CTPS2: variants seen among roughly 807,000 people sequenced by gnomAD.
The protein encoded by CTPS2 is CTP synthase 2, also known as CTP synthase II.
A neutral mutation model predicts 46.8 loss-of-function variants in CTPS2; 19 were observed. The ratio of observed to expected loss-of-function variants is 0.41; its 90% CI spans 0.28 to 0.60. The LOEUF (loss-of-function observed/expected upper bound fraction) is 0.60. Ranked by LOEUF, CTPS2 falls within the 20% of genes least tolerant of loss-of-function variation. The pLI is 0.35. For synonymous variants in CTPS2, 151 were observed against 165.2 expected, an observed-to-expected ratio of 0.91 and a Z score of 0.66; for missense variants, 286 against 447.6, an observed-to-expected ratio of 0.64 and a Z score of 3.26.
intron 17 of CTPS2, among the ~76,000 whole-genome samples, chrX:16,606,174 A>G (rs1327996710): frequency 8.9e-6 from 1 of 112,713 alleles, no homozygotes; most frequent in Non-Finnish European, 1.9e-5. Context: ...ATACAATTGA[A>G]TATCATCAGC....
intron 3 of CTPS2, 41 bp from the exon 4 acceptor site, chrX:16,698,377 C>T (rs758586757): frequency 4.1e-5 from 40 of 970,646 alleles, no homozygotes; most frequent in Middle Eastern, 5.2e-4. Flanking sequence ...ATTCCATGCT[C>T]ATGAGAAAAG....
intron 2 of CTPS2, among the ~76,000 whole-genome samples, chrX:16,701,322 C>T (rs1234798364): frequency 9.0e-6 from 1 of 110,868 alleles, no homozygotes; most frequent in African/African-American, 3.3e-5. Flanking sequence ...TTTGGGAGGC[C>T]GAGGTAGGAG....
rs201754154 is a variant in CTPS2, at chrX:16,702,733, G to A, written c.166+4C>T. The A allele has an allele frequency of 2.4e-5, 29 of 1,205,919 alleles. No homozygotes were observed. The highest frequency in any genetic ancestry group is 2.3e-4 in the Middle Eastern group (1 of 4,344). ...TATAAGGGGGAAGTGGTTCACTTTC[G>A]TACCGTGTTCATAAGGTGAAAAAGT... On this transcript the variant is annotated splice_donor_region_variant and intron_variant, in intron 2 of 18. Coordinates refer to ENST00000359276, the MANE Select transcript of CTPS2 (RefSeq NM_175859.3).
intron 13 of CTPS2, among the ~76,000 whole-genome samples, chrX:16,656,704 A>G (rs758331671): frequency 7.1e-5 from 8 of 111,947 alleles, no homozygotes; most frequent in Non-Finnish European, 1.5e-4. Context: ...GTGAGCCACC[A>G]TGCCCGGCCC....
intron 14 of CTPS2, among the ~76,000 whole-genome samples, chrX:16,630,043 A>G (rs981886685): frequency 9.1e-6 from 1 of 110,148 alleles, no homozygotes; most frequent in African/African-American, 3.3e-5. Flanking sequence ...GAGTCATGTC[A>G]TGCTCCTGCC....
intron 11 of CTPS2, 104 bp from the exon 12 acceptor site, chrX:16,667,828 C>T: frequency 7.0e-6 from 5 of 712,946 alleles, no homozygotes; most frequent in Non-Finnish European, 1.1e-5. Flanking sequence ...AGAATGCAGA[C>T]TCCCAGAGAG....
intron 16 of CTPS2, among the ~76,000 whole-genome samples, chrX:16,616,582 C>A (rs1254797205): frequency 8.9e-6 from 1 of 111,982 alleles, no homozygotes; most frequent in African/African-American, 3.2e-5. Flanking sequence ...GAAGTAGCCT[C>A]AGAAAGAGAG....
At chrX:16,611,112 A>T (rs371989247) in intron 16 of CTPS2, among the ~76,000 whole-genome samples, 25 of 111,627 alleles carry the variant, frequency 2.2e-4, no homozygotes, top group African/African-American at 7.5e-4. Flanking sequence ...GGGTGATGGG[A>T]TCCATACCCT....
chrX:16,613,122 T>C (rs1370803634), intron 16 of CTPS2, among the ~76,000 whole-genome samples: 1 of 111,828 alleles, frequency 8.9e-6, no homozygotes, highest in Non-Finnish European at 1.9e-5. Context: ...AAATGGAGAA[T>C]AGTGATATGA....
chrX:16,663,934 C>G (rs892949022), intron 13 of CTPS2, among the ~76,000 whole-genome samples: 2 of 110,880 alleles, frequency 1.8e-5, no homozygotes, highest in Non-Finnish European at 3.8e-5. Flanking sequence ...CTCCTGGGTT[C>G]ACGCCATTCT....
intron 11 of CTPS2, among the ~76,000 whole-genome samples, chrX:16,669,036 A>C (rs1921485941): frequency 9.0e-6 from 1 of 111,313 alleles, no homozygotes; most frequent in Admixed American, 9.6e-5. Flanking sequence ...TGCCTACAGG[A>C]CGTCAGGCTG....
Position 16,588,415 on chromosome X carries a change from G to A in CTPS2, c.*1402C>T. ...GGTTAAGCATTATGAGAGCACAGAA[G>A]AACAATACAGAAAGGCCATTTTCTT... is the stretch of plus-strand genomic sequence containing the variant. On this transcript the variant is annotated 3_prime_UTR_variant, in exon 19 of 19. Transcript: ENST00000359276. 1 of 111,926 alleles carries A rather than the reference G, an allele frequency of 8.9e-6. No homozygotes were observed. The highest frequency in any genetic ancestry group is 1.9e-5 in the Non-Finnish European group (1 of 53,241). 9.2% of individuals were successfully genotyped at this position (111,926 alleles called of 1,213,427 possible).
chrX:16,678,003 G>C (rs756058396), intron 10 of CTPS2, among the ~76,000 whole-genome samples: 1 of 111,336 alleles, frequency 9.0e-6, no homozygotes, highest in African/African-American at 3.3e-5. Flanking sequence ...TGTAAAAAGA[G>C]AGAGAAAAAA....
chrX:16,673,985 TAA>T (rs997869086), intron 10 of CTPS2, among the ~76,000 whole-genome samples: 1 of 112,049 alleles, frequency 8.9e-6, no homozygotes, highest in Non-Finnish European at 1.9e-5. Flanking sequence ...TCACCAAAAG[TAA>T]AAGTTCCTAA....
chrX:16,608,560 C>T (rs1467208376), intron 17 of CTPS2, among the ~76,000 whole-genome samples: 1 of 111,983 alleles, frequency 8.9e-6, no homozygotes, highest in Non-Finnish European at 1.9e-5. Flanking sequence ...TGCTACTGCA[C>T]TCCAGCCTGG....
intron 16 of CTPS2, among the ~76,000 whole-genome samples, chrX:16,613,844 G>A (rs866010718): frequency 1.8e-4 from 20 of 111,606 alleles, no homozygotes; most frequent in African/African-American, 4.2e-4. Flanking sequence ...TCCGACCTTC[G>A]CCTCCCAAAG....
chrX:16,683,176 G>A lies in CTPS2; in HGVS notation c.923C>T (p.Thr308Ile), dbSNP rs1162566635. ...ICSIALVGKY[T>I]KLRDCYASVF... ...AGAGGCGTAGCAGTCTCTGAGCTTG[G>A]TGTATTTGCCAACCAGGGCTATGGA... The change falls in exon 9 of 19, where the codon ACC (threonine) becomes ATC (isoleucine). Residue 308 changes from threonine to isoleucine, a missense_variant. Transcript: ENST00000359276. 2.4e-5 allele frequency: 29 copies of A among 1,208,089 alleles called. No individual in the cohort carries two copies. Among genetic ancestry groups the A allele is most frequent in the Non-Finnish European group, 3.0e-5 (27 of 893,632 alleles).
chrX:16,655,322 AAAGATCACAGG>A (rs1440729277), intron 13 of CTPS2, among the ~76,000 whole-genome samples: 1 of 111,550 alleles, frequency 9.0e-6, no homozygotes, highest in East Asian at 2.8e-4. Context: ...GTGTAATATA[AAAGATCACAGG>A]AAGACCTTGG....
chrX:16,640,674 ATCT>A (rs1286703307), intron 13 of CTPS2, among the ~76,000 whole-genome samples: 1 of 111,691 alleles, frequency 9.0e-6, no homozygotes, highest in Non-Finnish European at 1.9e-5. Context: ...GTTTCATCTC[ATCT>A]TCTTTTTTAA....
Sources: allele counts gnomAD v4.1 joint callset (sites outside exome capture counted in the v4.1 genomes callset), GRCh38; gene constraint gnomAD v4.1.1; transcripts MANE v1.5; gene names NCBI Gene and HGNC (gene_info 2026-07-23, HGNC 2026-07-21).